The following AGTPBP1 variants were observed in gnomAD, a reference collection of about 807,000 sequenced individuals.
AGTPBP1 encodes cytosolic carboxypeptidase 1.
A neutral mutation model predicts 143.9 loss-of-function variants in AGTPBP1; 70 were observed. The ratio of observed to expected loss-of-function variants is 0.49; its 90% confidence interval spans 0.40 to 0.59. The LOEUF is 0.59. Among genes scored for constraint, AGTPBP1 ranks in the 20% least tolerant of loss-of-function variants. The pLI is 0.00. For missense variants in AGTPBP1, 1,229 were observed against 1,464.5 expected (o/e 0.84, Z 2.62); for synonymous variants, 463 against 500.2 (o/e 0.93, Z 0.99).
At chr9:85,684,545 T>C (rs10868338) in intron 3 of AGTPBP1, among the ~76,000 whole-genome samples, 13,914 of 152,060 alleles carry the variant, frequency 0.092, 923 homozygotes, top group East Asian at 0.17. Context: ...TTTCCCTCTT[T>C]TCTTTCTCGG....
intron 25 of AGTPBP1, among the ~76,000 whole-genome samples, chr9:85,562,651 C>T (rs879920996): frequency 6.6e-5 from 10 of 152,096 alleles, no homozygotes; most frequent in East Asian, 1.9e-4. Context: ...CTAAATGGAA[C>T]GACTGGCAAC....
chr9:85,686,296 A>T (rs1367543495), intron 3 of AGTPBP1, among the ~76,000 whole-genome samples: 1 of 152,142 alleles, frequency 6.6e-6, no homozygotes, highest in Non-Finnish European at 1.5e-5. Context: ...ACCGTAGGAA[A>T]GCTTGAAGGG....
At chr9:85,692,838 G>C in intron 2 of AGTPBP1, 25 bp from the exon 3 acceptor site, 2 of 1,606,102 alleles carry the variant, frequency 1.2e-6, no homozygotes, top group Non-Finnish European at 1.7e-6. Context: ...GAATGTTAGG[G>C]CACATTCTAA....
At chr9:85,798,308 C>T in the AGTPBP1 span, among the ~76,000 whole-genome samples, 8 of 151,182 alleles carry the variant, frequency 5.3e-5, no homozygotes, top group African/African-American at 1.9e-4. Flanking sequence ...TTGTGAATTT[C>T]TTGATTTTGA....
intron 25 of AGTPBP1, among the ~76,000 whole-genome samples, chr9:85,572,999 T>C (rs1214505403): frequency 1.3e-5 from 2 of 152,168 alleles, no homozygotes; most frequent in Admixed American, 6.5e-5. Flanking sequence ...AATGAGACTA[T>C]TGTTACCCAT....
intron 8 of AGTPBP1, among the ~76,000 whole-genome samples, chr9:85,666,526 G>A (rs1834144508): frequency 1.3e-5 from 2 of 152,062 alleles, no homozygotes; most frequent in African/African-American, 4.8e-5. Flanking sequence ...TCTTTTTAAA[G>A]TAAAAATAAA....
At chr9:85,592,431 C>T in intron 19 of AGTPBP1, 129 bp downstream of exon 19, 2 of 602,240 alleles carry the variant, frequency 3.3e-6, no homozygotes, top group South Asian at 3.9e-5. Context: ...TATAATTATC[C>T]TTATGTTAGA....
At chr9:85,701,762 T>C (rs899885506) in intron 2 of AGTPBP1, among the ~76,000 whole-genome samples, 70 of 152,220 alleles carry the variant, frequency 4.6e-4, no homozygotes, top group African/African-American at 1.6e-3. Flanking sequence ...TCAACTTAGA[T>C]GTACTACCTT....
intron 25 of AGTPBP1, among the ~76,000 whole-genome samples, chr9:85,567,565 A>C (rs7859744): frequency 0.96 from 146,199 of 152,198 alleles, 70,256 homozygotes; most frequent in East Asian, 1. Context: ...GTACTCAAGT[A>C]TGGGTGACAC....
chr9:85,577,469 C>CG (rs1827968802), intron 24 of AGTPBP1, among the ~76,000 whole-genome samples: 1 of 152,166 alleles, frequency 6.6e-6, no homozygotes, highest in Non-Finnish European at 1.5e-5. Context: ...AAGCAATGAT[C>CG]GGGGACAGGG....
At chr9:85,590,268 TTAC>T (rs1828873052) in intron 19 of AGTPBP1, among the ~76,000 whole-genome samples, 5 of 152,236 alleles carry the variant, frequency 3.3e-5, no homozygotes, top group South Asian at 4.1e-4. Flanking sequence ...ACCACCTAGA[TTAC>T]TACTAACACA....
At chr9:85,612,415 G>A (rs1434994681) in intron 17 of AGTPBP1, among the ~76,000 whole-genome samples, 1 of 152,226 alleles carries the variant, frequency 6.6e-6, no homozygotes, top group African/African-American at 2.4e-5. Context: ...CATGCCAGAA[G>A]GGTGGGGCAC....
intron 7 of AGTPBP1, among the ~76,000 whole-genome samples, chr9:85,672,312 G>A (rs1208149597): frequency 2.6e-5 from 4 of 152,130 alleles, no homozygotes; most frequent in South Asian, 2.1e-4. Context: ...CAGGTGATCC[G>A]CCCGCCTTGG....
chr9:85,793,347 A>G, the AGTPBP1 span: 1 of 152,218 alleles, frequency 6.6e-6, no homozygotes, highest in Non-Finnish European at 1.5e-5. Context: ...ATCAAATAAA[A>G]AGAAATCAGT....
chr9:85,727,871 T>TA (rs1450299130), intron 1 of AGTPBP1, among the ~76,000 whole-genome samples: 1 of 151,604 alleles, frequency 6.6e-6, no homozygotes, highest in African/African-American at 2.4e-5. Flanking sequence ...ATAAAAAAAT[T>TA]AAAAAAATTA....
At chr9:85,718,330 G>T (rs1304088828) in intron 1 of AGTPBP1, among the ~76,000 whole-genome samples, 2 of 152,152 alleles carry the variant, frequency 1.3e-5, no homozygotes, top group East Asian at 3.8e-4. Flanking sequence ...TCCAGTATCT[G>T]TTGTTTCCTG....
chr9:85,590,166 C>A (rs1166436448), intron 19 of AGTPBP1, among the ~76,000 whole-genome samples: 1 of 151,818 alleles, frequency 6.6e-6, no homozygotes, highest in African/African-American at 2.4e-5. Flanking sequence ...AAGATTAATA[C>A]GGGTTTGTTG....
At chr9:85,706,397 G>C (rs186940564) in intron 2 of AGTPBP1, among the ~76,000 whole-genome samples, 175 of 151,670 alleles carry the variant, frequency 1.2e-3, no homozygotes, top group South Asian at 6.7e-3. Flanking sequence ...TGTAATCCCA[G>C]CTACTCAGGA....
intron 1 of AGTPBP1, among the ~76,000 whole-genome samples, chr9:85,724,223 G>C (rs894189253): frequency 2.7e-5 from 4 of 149,610 alleles, no homozygotes; most frequent in Non-Finnish European, 5.9e-5. Flanking sequence ...GGAGGCAGGG[G>C]TTACAGTGAG....
Sources: gnomAD v4.1 joint callset for allele counts (sites outside exome capture counted in the v4.1 genomes callset) on GRCh38, gnomAD v4.1.1 for gene constraint, MANE v1.5 for transcripts, NCBI Gene and HGNC (gene_info 2026-07-23, HGNC 2026-07-21) for gene names.